Variants in DNAH6 observed in about 807,000 individuals in gnomAD.
DNAH6 encodes dynein axonemal heavy chain 6, also known as axonemal beta dynein heavy chain 6.
Under a neutral mutation model 491.4 loss-of-function variants are expected in DNAH6, and 340 were observed. The ratio of observed to expected loss-of-function variants is 0.69; its 90% CI spans 0.63 to 0.76. The LOEUF is 0.76. Among genes scored for constraint, DNAH6 ranks in the 30% least tolerant of loss-of-function variants. The probability of loss-of-function intolerance (pLI) is 0.00; values close to 1 mark genes in which losing one functional copy is unlikely to be tolerated. For synonymous variants in DNAH6, 1,603 were observed against 1,686.1 expected (o/e 0.95, Z 1.21); for missense variants, 4,443 against 4,972.2 (o/e 0.89, Z 3.20).
At chr2:84,505,593 T>A in the DNAH6 span, among the ~76,000 whole-genome samples, 1,713 of 152,298 alleles carry the variant, frequency 0.011, 32 homozygotes, top group African/African-American at 0.039. Context: ...AGTTTTAAGG[T>A]ACATGTGCAC....
chr2:84,643,117 T>C (rs1195520418), intron 33 of DNAH6, among the ~76,000 whole-genome samples: 2 of 152,108 alleles, frequency 1.3e-5, no homozygotes, highest in African/African-American at 4.8e-5. Context: ...TATTTCTCCT[T>C]CACTTTTGAA....
chr2:84,647,316 G>A (rs1409111380), intron 33 of DNAH6, among the ~76,000 whole-genome samples: 1 of 152,212 alleles, frequency 6.6e-6, no homozygotes, highest in Non-Finnish European at 1.5e-5. Flanking sequence ...GCTGCAGTAA[G>A]TTATCCAGAT....
intron 74 of DNAH6, among the ~76,000 whole-genome samples, chr2:84,813,614 C>T (rs1407090944): frequency 2.6e-5 from 4 of 152,182 alleles, no homozygotes; most frequent in African/African-American, 4.8e-5. Context: ...TTCTTAATAC[C>T]TATTAAACAG....
At chr2:84,641,833 T>A in intron 32 of DNAH6, 114 bp from the exon 33 acceptor site, 1 of 784,546 alleles carries the variant, frequency 1.3e-6, no homozygotes, top group Non-Finnish European at 2.0e-6. Flanking sequence ...AAAATGATCT[T>A]CTCCTTCTAA....
chr2:84,482,075 G>C, the DNAH6 span, among the ~76,000 whole-genome samples: 1 of 152,128 alleles, frequency 6.6e-6, no homozygotes, highest in African/African-American at 2.4e-5. Flanking sequence ...CTGTGACATA[G>C]CTAGCAACTT....
intron 19 of DNAH6, 129 bp from the exon 20 acceptor site, chr2:84,605,371 G>C: frequency 2.5e-6 from 1 of 406,422 alleles, no homozygotes; most frequent in Non-Finnish European, 4.0e-6. Context: ...AAAAAAAAAA[G>C]AATTTTAGAG....
At chr2:84,812,699 C>T (rs988297668) in intron 73 of DNAH6, among the ~76,000 whole-genome samples, 173 bp downstream of exon 73, 8 of 152,202 alleles carry the variant, frequency 5.3e-5, no homozygotes, top group South Asian at 4.1e-4. Context: ...ATTATAATAT[C>T]GTTTGCCCTA....
intron 23 of DNAH6, among the ~76,000 whole-genome samples, chr2:84,619,307 G>A (rs761278744): frequency 1.3e-5 from 2 of 152,080 alleles, no homozygotes; most frequent in Non-Finnish European, 2.9e-5. Context: ...TTGAATACCA[G>A]GTATGTGTGA....
chr2:84,773,940 CTTG>C (rs2105189354), intron 64 of DNAH6, among the ~76,000 whole-genome samples: 1 of 151,664 alleles, frequency 6.6e-6, no homozygotes, highest in East Asian at 1.9e-4. Context: ...TTGTTTTTTG[CTTG>C]TTGAATTAAC....
the DNAH6 span, among the ~76,000 whole-genome samples, chr2:84,475,052 C>T: frequency 1.3e-5 from 2 of 152,204 alleles, no homozygotes; most frequent in African/African-American, 4.8e-5. Context: ...AGTTGAGGAA[C>T]TAATAACTTA....
At position 84,654,999 on chromosome 2, in the gene DNAH6, C is replaced by T. The variant is rs569495438; in HGVS notation, c.5757+217C>T. On this transcript the variant is annotated intron_variant, in intron 35 of 76. Transcript: ENST00000389394. ...CTTGTTACCCCAGCCTGCCAGCCTG[C>T]CTACTCACCCTGCCTCCTGCCTATT... Among the ~76,000 whole-genome samples, 350 of 152,044 alleles carry T rather than the reference C, an allele frequency of 2.3e-3. 3 individuals are homozygous for T. The highest frequency in any genetic ancestry group is 8.1e-3 in the African/African-American group (336 of 41,414).
At chr2:84,724,211 G>A (rs1348377663) in intron 60 of DNAH6, among the ~76,000 whole-genome samples, 1 of 152,180 alleles carries the variant, frequency 6.6e-6, no homozygotes, top group Non-Finnish European at 1.5e-5. Flanking sequence ...AAACAGTGGA[G>A]AATTGTAAAC....
intron 70 of DNAH6, among the ~76,000 whole-genome samples, chr2:84,804,754 A>G (rs1679256403): frequency 6.6e-6 from 1 of 152,312 alleles, no homozygotes; most frequent in African/African-American, 2.4e-5. Context: ...AACAGAAAAT[A>G]TACATTTTAA....
the DNAH6 span, among the ~76,000 whole-genome samples, chr2:84,490,881 T>C: frequency 6.6e-6 from 1 of 152,130 alleles, no homozygotes; most frequent in East Asian, 1.9e-4. Context: ...TGATTTTTAA[T>C]TGGGTTTCTT....
Position 84,797,621 on chromosome 2 carries a change from T to C in DNAH6, c.11444T>C (p.Ile3815Thr), listed in dbSNP as rs1443942701. Residue 3815 changes from isoleucine (I) to threonine (T), a missense_variant, in exon 70 of 77, where the codon ATT (isoleucine) becomes ACT (threonine). Physicochemically the swap from Ile to Thr is moderately conservative, Grantham distance 89 (BLOSUM62 -1). This residue lies in a region of DNAH6 where 1,463 missense variants were observed against 1,656.6 expected (regional missense o/e 0.88). Transcript: ENST00000389394. Reference sequence around the variant, plus strand: ...CTGCCTTTGATCGATGACCCAGAAATTTTTGGAATGCATGAAAATGCTAAT... The same window carrying C: ...CTGCCTTTGATCGATGACCCAGAAACTTTTGGAATGCATGAAAATGCTAAT... ...ENLPLIDDPE[I>T]FGMHENANLV... 1.9e-6 allele frequency: 3 copies of C among 1,551,128 alleles called. No homozygotes were observed. The highest frequency in any genetic ancestry group is 2.6e-6 in the Non-Finnish European group (3 of 1,146,594).
intron 37 of DNAH6, among the ~76,000 whole-genome samples, chr2:84,667,075 A>G (rs1478189550): frequency 1.3e-5 from 2 of 152,206 alleles, no homozygotes; most frequent in South Asian, 2.1e-4. Flanking sequence ...TCCCTTCCTT[A>G]CACCTTATAC....
At chr2:84,552,258 T>C (rs1410364768) in intron 9 of DNAH6, among the ~76,000 whole-genome samples, 1 of 152,180 alleles carries the variant, frequency 6.6e-6, no homozygotes, top group Admixed American at 6.5e-5. Context: ...GTCTGCCGCC[T>C]ACTAGCTAGT....
intron 68 of DNAH6, among the ~76,000 whole-genome samples, chr2:84,794,242 A>G (rs1209785710): frequency 3.3e-5 from 5 of 152,238 alleles, no homozygotes; most frequent in Non-Finnish European, 5.9e-5. Context: ...AAACCTAGGC[A>G]TTACCATTCA....
chr2:84,504,836 T>C, the DNAH6 span, among the ~76,000 whole-genome samples: 2 of 152,230 alleles, frequency 1.3e-5, no homozygotes, highest in African/African-American at 4.8e-5. Context: ...TTGTTTGGGC[T>C]ACTTAAGGCC....
Sources: allele counts gnomAD v4.1 joint callset (sites outside exome capture counted in the v4.1 genomes callset), GRCh38; gene constraint gnomAD v4.1.1; regional missense constraint gnomAD v4.1.1; transcripts MANE v1.5; gene names NCBI Gene and HGNC (gene_info 2026-07-23, HGNC 2026-07-21).